Variants in ASTN2 observed in about 807,000 individuals in gnomAD.
ASTN2 encodes astrotactin-2.
In ASTN2, 54 loss-of-function variants were observed where a neutral mutation model predicts 139.8. That is an observed-to-expected ratio of 0.39 (90% CI 0.31 to 0.48). ASTN2 has a LOEUF of 0.48. Among genes scored for constraint, ASTN2 ranks in the 20% least tolerant of loss-of-function variants. The pLI, the probability that ASTN2 is intolerant of heterozygous loss-of-function variation, is 0.95. For missense variants in ASTN2, 1,565 were observed against 1,725.1 expected (o/e 0.91, Z 1.64); for synonymous variants, 756 against 719.5 (o/e 1.05, Z -0.81).
rs1831293571 is a variant in ASTN2 at position 117,415,033 on chromosome 9, G to A, written c.-95C>T. Reference sequence around the variant, plus strand: ...AGCTGCGGAGACGGCGGACGCCGAAGCGAACCAGGACGCCCGAGCTAAGGA... The same window carrying A: ...AGCTGCGGAGACGGCGGACGCCGAAACGAACCAGGACGCCCGAGCTAAGGA... On this transcript the variant is annotated 5_prime_UTR_variant, in exon 1 of 23. Coordinates refer to ENST00000313400, the MANE Select transcript of ASTN2 (RefSeq NM_001365068.1). The A allele has an allele frequency of 5.6e-6, 1 of 179,428 alleles. No homozygotes were observed. Among genetic ancestry groups the A allele is most frequent in the Admixed American group, 6.2e-5 (1 of 16,102 alleles). The allele number at this position is 179,428 out of a possible 1,614,324, so 11.1% of individuals were successfully genotyped here. A position where few individuals can be genotyped will look rare whatever the true frequency, so the allele number is the denominator to read the frequency against.
At chr9:116,505,913 C>A (rs58640933) in intron 19 of ASTN2, among the ~76,000 whole-genome samples, 27,453 of 152,098 alleles carry the variant, frequency 0.18, 2,858 homozygotes, top group African/African-American at 0.28. Flanking sequence ...TCCCACTTTC[C>A]GGTCTCTGCT....
In ASTN2 at chr9:117,121,156, T is replaced by TCTAC. The variant is rs530724036; in HGVS notation, c.1168+20166_1168+20169dup. On this transcript the variant is annotated intron_variant, in intron 4 of 22. Coordinates refer to ENST00000313400, the MANE Select transcript of ASTN2 (RefSeq NM_001365068.1). ...CTTGCCCCAGGGCTTTATTAACTGT[T>TCTAC]CTACCCTCTGTCGTTACATAATCTG... 8.5e-5 allele frequency among the ~76,000 whole-genome samples: 13 copies of TCTAC among 152,380 alleles called. No individual in the cohort carries two copies. In the South Asian group the frequency reaches 2.7e-3, roughly 32 times the overall value.
chr9:116,442,155 T>C (rs1277777381), intron 21 of ASTN2, among the ~76,000 whole-genome samples: 2 of 152,184 alleles, frequency 1.3e-5, no homozygotes, highest in Non-Finnish European at 2.9e-5. Context: ...GATACAGTTA[T>C]GGGGCTCTGA....
chr9:116,909,905 C>T (rs571570553), intron 10 of ASTN2, among the ~76,000 whole-genome samples: 9 of 152,180 alleles, frequency 5.9e-5, no homozygotes, highest in East Asian at 1.9e-4. Context: ...ACATCAACGA[C>T]GAGATTTTAT....
chr9:117,092,051 C>T (rs1481865242), intron 5 of ASTN2, among the ~76,000 whole-genome samples: 2 of 152,078 alleles, frequency 1.3e-5, no homozygotes, highest in African/African-American at 4.8e-5. Flanking sequence ...TTCACAATGA[C>T]CCTGTGAAGG....
chr9:117,230,219 A>T (rs887430965), intron 2 of ASTN2, among the ~76,000 whole-genome samples: 1 of 150,162 alleles, frequency 6.7e-6, no homozygotes, highest in African/African-American at 2.5e-5. Context: ...GAGTGGCTTA[A>T]AGTGTTAGAT....
Position 116,684,597 on chromosome 9 carries a change from A to C in ASTN2, c.2807-32804T>G, listed in dbSNP as rs947478912. ...TACTAAAACTATAGATGAGAGTACT[A>C]ATGTTTTTGCCATGCAAGCCTTAGA... On this transcript the variant is annotated intron_variant, in intron 16 of 22. Transcript: ENST00000313400. Among the ~76,000 whole-genome samples, 29 of 152,110 alleles carry C rather than the reference A, an allele frequency of 1.9e-4. 1 individual carries two copies. Among genetic ancestry groups the C allele is most frequent in the Non-Finnish European group, 1.5e-5 (1 of 68,018 alleles).
intron 4 of ASTN2, among the ~76,000 whole-genome samples, chr9:117,106,792 GTCTATCTA>G (rs543570500): frequency 1.4e-5 from 2 of 144,280 alleles, no homozygotes; most frequent in African/African-American, 5.4e-5. Context: ...CTATCTATCT[GTCTATCTA>G]TCTATCTATC....
chr9:116,514,240 G>T (rs980723698), intron 19 of ASTN2, among the ~76,000 whole-genome samples: 1 of 148,658 alleles, frequency 6.7e-6, no homozygotes, highest in Non-Finnish European at 1.5e-5. Context: ...TCAGCTGCAG[G>T]TCTGTTGGAG....
At chr9:116,950,105 C>A (rs145554735) in intron 10 of ASTN2, among the ~76,000 whole-genome samples, 1 of 152,008 alleles carries the variant, frequency 6.6e-6, no homozygotes, top group East Asian at 1.9e-4. Context: ...TAGAAGAGGC[C>A]AAGCTTTCTC....
chr9:117,294,241 C>T (rs1232089374), intron 1 of ASTN2, among the ~76,000 whole-genome samples: 3 of 152,222 alleles, frequency 2.0e-5, no homozygotes, highest in Non-Finnish European at 4.4e-5. Context: ...ACTAAATTAG[C>T]CCATGAACCA....
At chr9:117,151,354 C>T (rs1456602416) in intron 3 of ASTN2, among the ~76,000 whole-genome samples, 1 of 152,096 alleles carries the variant, frequency 6.6e-6, no homozygotes, top group Non-Finnish European at 1.5e-5. Context: ...TCATATGGCT[C>T]AGAACTCCGT....
In ASTN2 at chr9:116,724,415, T is replaced by TGG. The variant is rs575327648; in HGVS notation, c.2806+1354_2806+1355dup. The stretch of plus-strand genomic sequence containing the variant: ...AAGCAGAAAGGGCTGAGAGCACGAC[T>TGG]GGGGATGCAAAGCCCCCAGGGACAA... On this transcript the variant is annotated intron_variant, in intron 16 of 22. Coordinates refer to ENST00000313400, the MANE Select transcript of ASTN2 (RefSeq NM_001365068.1). Among the ~76,000 whole-genome samples, 5 of 152,268 alleles carry TGG rather than the reference T, an allele frequency of 3.3e-5. No individual in the cohort carries two copies. The East Asian group carries it at 9.7e-4, about 29-fold the overall frequency.
At position 116,699,704 on chromosome 9, in the gene ASTN2, G is replaced by C; in HGVS notation, c.2806+26067C>G. 6.2e-7 allele frequency: 1 copy of C among 1,614,192 alleles called. No individual in the cohort carries two copies. Among genetic ancestry groups the C allele is most frequent in the Non-Finnish European group, 8.5e-7 (1 of 1,180,046 alleles). On this transcript the variant is annotated intron_variant, in intron 16 of 22. Coordinates refer to ENST00000313400, the MANE Select transcript of ASTN2 (RefSeq NM_001365068.1). The surrounding 1 kb of genome is among the most constrained non-coding windows in gnomAD (Gnocchi z 4.2). ...ATCTGAGAAGATATTCCACCCCATA[G>C]GGGATGAGAAATTATCAGTTTCTTC...
chr9:117,045,984 G>GTACGTACA (rs1358111654), intron 5 of ASTN2, among the ~76,000 whole-genome samples: 1 of 95,416 alleles, frequency 1.0e-5, no homozygotes, highest in Non-Finnish European at 2.2e-5. Flanking sequence ...ATGTATGTAC[G>GTACGTACA]TACGTACGTA....
chr9:116,690,448 T>C (rs1057180424), intron 16 of ASTN2, among the ~76,000 whole-genome samples: 1 of 152,224 alleles, frequency 6.6e-6, no homozygotes, highest in African/African-American at 2.4e-5. Context: ...TCAGAGCCCC[T>C]ATGTTTATGT....
intron 1 of ASTN2, among the ~76,000 whole-genome samples, chr9:117,321,714 T>G (rs527244307): frequency 6.6e-6 from 1 of 152,294 alleles, no homozygotes; most frequent in South Asian, 2.1e-4. Context: ...CAGGTTCTGA[T>G]GCTCTAGAAC....
chr9:116,933,997 T>A (rs1834993074), intron 10 of ASTN2, among the ~76,000 whole-genome samples: 1 of 101,242 alleles, frequency 9.9e-6, no homozygotes, highest in African/African-American at 3.3e-5. Context: ...TTTTTTTTTT[T>A]TTTTTCTGGA....
At chr9:117,240,330 G>C (rs1017799235) in intron 2 of ASTN2, among the ~76,000 whole-genome samples, 2 of 152,168 alleles carry the variant, frequency 1.3e-5, no homozygotes, top group Non-Finnish European at 2.9e-5. Context: ...TGTCAACTTT[G>C]GGTGTGACTG....
Sources: allele counts gnomAD v4.1 joint callset (sites outside exome capture counted in the v4.1 genomes callset), GRCh38; gene constraint gnomAD v4.1.1; non-coding constraint Gnocchi (gnomAD v3.1); transcripts MANE v1.5; gene names NCBI Gene and HGNC (gene_info 2026-07-23, HGNC 2026-07-21).